Variants in MSI2 observed in about 807,000 individuals in gnomAD.
MSI2 encodes musashi RNA binding protein 2.
MSI2 carries 17 observed loss-of-function variants against 45.6 expected under a neutral mutation model. The ratio of observed to expected loss-of-function variants is 0.37; its 90% CI spans 0.26 to 0.56. MSI2 has a LOEUF of 0.56. Among genes scored for constraint, MSI2 ranks in the 20% least tolerant of loss-of-function variants. The pLI, the probability that MSI2 is intolerant of heterozygous loss-of-function variation, is 0.77. For synonymous variants in MSI2, 156 were observed against 158.2 expected, an observed-to-expected ratio of 0.99 and a Z score of 0.11; for missense variants, 293 against 444.2, an observed-to-expected ratio of 0.66 and a Z score of 3.06.
At chr17:57,351,671 C>T (rs902969052) in intron 5 of MSI2, among the ~76,000 whole-genome samples, 1 of 152,182 alleles carries the variant, frequency 6.6e-6, no homozygotes, top group Non-Finnish European at 1.5e-5. Context: ...GCCTGGCCAA[C>T]ATGGCGAAAC....
chr17:57,325,602 G>A (rs1913719943), intron 5 of MSI2, among the ~76,000 whole-genome samples: 1 of 152,186 alleles, frequency 6.6e-6, no homozygotes, highest in Non-Finnish European at 1.5e-5. Context: ...GCACCACTGG[G>A]TGTGCAGCGG....
At chr17:57,281,332 A>T (rs1484807035) in intron 5 of MSI2, among the ~76,000 whole-genome samples, 2 of 152,138 alleles carry the variant, frequency 1.3e-5, no homozygotes, top group East Asian at 3.9e-4. Flanking sequence ...CGCCATCACC[A>T]GCCAATTCTG....
intron 5 of MSI2, among the ~76,000 whole-genome samples, chr17:57,288,551 C>A (rs532726100): frequency 6.6e-6 from 1 of 152,182 alleles, no homozygotes; most frequent in Admixed American, 6.5e-5. Flanking sequence ...CTGAGAGCAG[C>A]GTGCACCGGA....
At chr17:57,328,186 C>G (rs1418416088) in intron 5 of MSI2, among the ~76,000 whole-genome samples, 1 of 152,202 alleles carries the variant, frequency 6.6e-6, no homozygotes, top group Non-Finnish European at 1.5e-5. Context: ...TTCTGTCCAT[C>G]TGTCTCTTTG....
At chr17:57,291,046 G>A (rs1910375595) in intron 5 of MSI2, among the ~76,000 whole-genome samples, 1 of 152,192 alleles carries the variant, frequency 6.6e-6, no homozygotes, top group African/African-American at 2.4e-5. Flanking sequence ...GATGAGGGAA[G>A]ACTTGTCTCC....
chr17:57,293,457 C>T (rs976457746), intron 5 of MSI2, among the ~76,000 whole-genome samples: 1 of 152,176 alleles, frequency 6.6e-6, no homozygotes, highest in African/African-American at 2.4e-5. Context: ...CCTCCTCACG[C>T]TGCAACAGCG....
intron 5 of MSI2, among the ~76,000 whole-genome samples, chr17:57,326,926 G>A (rs1250776270): frequency 3.3e-5 from 5 of 152,168 alleles, no homozygotes. Context: ...AGTTGGAATA[G>A]AACTGCTCAT....
chr17:57,556,022 T>C (rs1003951467), intron 7 of MSI2, among the ~76,000 whole-genome samples: 1 of 152,250 alleles, frequency 6.6e-6, no homozygotes. Context: ...TGACACATTA[T>C]CTGAGTTTTG....
chr17:57,637,524 C>A (rs982420137), intron 10 of MSI2, among the ~76,000 whole-genome samples: 1 of 152,186 alleles, frequency 6.6e-6, no homozygotes, highest in Non-Finnish European at 1.5e-5. Context: ...CATAAATAAA[C>A]GGAAATGTGA....
intron 5 of MSI2, among the ~76,000 whole-genome samples, chr17:57,354,628 T>G (rs182777484): frequency 2.0e-5 from 3 of 152,010 alleles, no homozygotes; most frequent in Admixed American, 2.0e-4. Context: ...CATCTTGAGA[T>G]AGGAGAAAGC....
In MSI2 at chr17:57,654,997, T is replaced by TG; in HGVS notation, c.790+2839dup. Among the ~76,000 whole-genome samples, 2 of 132,804 alleles carry TG rather than the reference T, an allele frequency of 1.5e-5. 1 individual carries two copies. The highest frequency in any genetic ancestry group is 4.9e-4 in the South Asian group (2 of 4,058). The allele number at this position is 132,804 out of a possible 152,430, so 87.1% of individuals were successfully genotyped here. A position where few individuals can be genotyped will look rare whatever the true frequency, so the allele number is the denominator to read the frequency against. On this transcript the variant is annotated intron_variant, in intron 11 of 13. Coordinates refer to ENST00000284073, the MANE Select transcript of MSI2 (RefSeq NM_138962.4). ...GAAGCACTTGCTGAGGGCCGTGGGG[T>TG]GGGAGGCAGCTTCGTTTTTGCTCAG...
the MSI2 span, among the ~76,000 whole-genome samples, chr17:57,698,064 C>T: frequency 1.9e-4 from 29 of 152,158 alleles, no homozygotes; most frequent in Non-Finnish European, 3.5e-4. Context: ...GCCACACTCT[C>T]CCACAGACAC....
chr17:57,302,262 C>T (rs1044699504), intron 5 of MSI2, among the ~76,000 whole-genome samples: 6 of 152,090 alleles, frequency 3.9e-5, no homozygotes, highest in African/African-American at 7.2e-5. Context: ...TTTCTTCCAG[C>T]GATTTTGAAA....
chr17:57,565,661 C>T (rs1442128072), intron 7 of MSI2, among the ~76,000 whole-genome samples: 1 of 117,858 alleles, frequency 8.5e-6, no homozygotes, highest in Non-Finnish European at 1.7e-5. Context: ...ATTTTATACC[C>T]CCTCGACTAA....
At chr17:57,526,177 A>T (rs573717280) in intron 6 of MSI2, among the ~76,000 whole-genome samples, 1 of 152,226 alleles carries the variant, frequency 6.6e-6, no homozygotes, top group South Asian at 2.1e-4. Flanking sequence ...GTGAGCCAAG[A>T]TCATGCCATT....
intron 10 of MSI2, among the ~76,000 whole-genome samples, chr17:57,648,165 G>C (rs1910838044): frequency 6.7e-6 from 1 of 149,258 alleles, no homozygotes. Flanking sequence ...GTGTGTGTGT[G>C]TGTGTGTGTG....
At chr17:57,288,776 C>G (rs1910139573) in intron 5 of MSI2, among the ~76,000 whole-genome samples, 1 of 152,154 alleles carries the variant, frequency 6.6e-6, no homozygotes, top group African/African-American at 2.4e-5. Flanking sequence ...CAGGGGTCCA[C>G]AACTTTGGCA....
chr17:57,322,511 T>A (rs777975313), intron 5 of MSI2, among the ~76,000 whole-genome samples: 1 of 152,098 alleles, frequency 6.6e-6, no homozygotes, highest in South Asian at 2.1e-4. Flanking sequence ...AATAATTCAG[T>A]CATTGTAAAT....
intron 10 of MSI2, among the ~76,000 whole-genome samples, chr17:57,644,503 G>T (rs1910506231): frequency 6.6e-6 from 1 of 152,148 alleles, no homozygotes; most frequent in South Asian, 2.1e-4. Context: ...TGCCCGGGAG[G>T]TGGGAGCATC....
Sources: gnomAD v4.1 joint callset for allele counts (sites outside exome capture counted in the v4.1 genomes callset) on GRCh38, gnomAD v4.1.1 for gene constraint, MANE v1.5 for transcripts, NCBI Gene and HGNC (gene_info 2026-07-23, HGNC 2026-07-21) for gene names.